CFAP70: variants seen among roughly 807,000 people sequenced by gnomAD.
CFAP70 encodes the protein cilia and flagella associated protein 70, also known as cilia- and flagella-associated protein 70.
Under a neutral mutation model 137.6 loss-of-function variants are expected in CFAP70, and 81 were observed. The ratio of observed to expected loss-of-function variants is 0.59; its 90% confidence interval spans 0.49 to 0.71. The LOEUF is 0.71. CFAP70 is among the 30% of genes least tolerant of loss of function. CFAP70 has a pLI of 0.00. For synonymous variants in CFAP70, 382 were observed against 423.6 expected (o/e 0.90, Z 1.20); for missense variants, 976 against 1,226.7 (o/e 0.80, Z 3.05).
intron 19 of CFAP70, among the ~76,000 whole-genome samples, chr10:73,281,301 G>A (rs964326351): frequency 6.6e-6 from 1 of 150,996 alleles, no homozygotes; most frequent in Non-Finnish European, 1.5e-5. Flanking sequence ...CCTCCCACGT[G>A]AGCCTCCCTA....
intron 25 of CFAP70, among the ~76,000 whole-genome samples, chr10:73,266,613 T>A (rs2045801576): frequency 6.6e-6 from 1 of 152,200 alleles, no homozygotes; most frequent in Admixed American, 6.5e-5. Context: ...GGACATGTAG[T>A]TTCAGATTTT....
In CFAP70 at chr10:73,354,621, C is replaced by T. The variant is rs536105995; in HGVS notation, c.63+113G>A. On this transcript the variant is annotated intron_variant, in intron 2 of 26. Coordinates refer to ENST00000310715, the Ensembl canonical transcript of CFAP70. ...CAATAAGGAACACTGAGGCGGAATGCCACTGCTACATAAAGCCAGGAGGTT... is the reference window on the plus strand; with the variant it reads ...CAATAAGGAACACTGAGGCGGAATGTCACTGCTACATAAAGCCAGGAGGTT... 4.9e-4 allele frequency: 383 copies of T among 787,126 alleles called. 8 individuals are homozygous for T. The South Asian group carries it at 5.4e-3, about 11-fold the overall frequency. 48.8% of individuals were successfully genotyped at this position (787,126 alleles called of 1,614,324 possible).
intron 9 of CFAP70, among the ~76,000 whole-genome samples, chr10:73,319,263 TG>T (rs1730517436): frequency 6.6e-6 from 1 of 152,066 alleles, no homozygotes; most frequent in South Asian, 2.1e-4. Context: ...ATCAGCTGAA[TG>T]GATCAGCCTC....
chr10:73,341,245 A>T (rs373786440), intron 6 of CFAP70, among the ~76,000 whole-genome samples, 154 bp downstream of exon 7: 2 of 152,258 alleles, frequency 1.3e-5, no homozygotes, highest in South Asian at 4.1e-4. Flanking sequence ...AGAAGCCAGA[A>T]GATATTTGAA....
intron 14 of CFAP70, among the ~76,000 whole-genome samples, chr10:73,298,390 A>G (rs2048697345): frequency 6.6e-6 from 1 of 152,204 alleles, no homozygotes; most frequent in Non-Finnish European, 1.5e-5. Context: ...AGATTAGGGA[A>G]AGATTTGGAG....
At chr10:73,338,429 T>A (rs1353455994) in intron 6 of CFAP70, among the ~76,000 whole-genome samples, 6 of 145,286 alleles carry the variant, frequency 4.1e-5, no homozygotes, top group Non-Finnish European at 7.5e-5. Context: ...CATATGTGAA[T>A]CTCTTTTTTT....
chr10:73,273,848 C>T (rs2133759298), intron 23 of CFAP70, among the ~76,000 whole-genome samples: 1 of 152,244 alleles, frequency 6.6e-6, no homozygotes, highest in South Asian at 2.1e-4. Flanking sequence ...AGGCCTTTGG[C>T]AGAATGTTGA....
intron 26 of CFAP70, 46 bp downstream of exon 27, chr10:73,256,323 A>T: frequency 6.2e-7 from 1 of 1,609,362 alleles, no homozygotes; most frequent in East Asian, 2.2e-5. Context: ...CTAATTTCCC[A>T]CCCTTAACAT....
At chr10:73,310,215 T>A in exon 12 of CFAP70, 2 of 1,613,074 alleles carry the variant, frequency 1.2e-6, no homozygotes, top group Non-Finnish European at 1.7e-6. Context: ...CAGCTGAATT[T>A]CCAACACAAT....
Position 73,261,162 on chromosome 10 carries a change from C to T in CFAP70, c.3028-4746G>A, listed in dbSNP as rs573919119. Reference sequence around the variant, plus strand: ...TTTTTGAGACAAGATCTCATTCTGTCACCCAGGCTGGAGTGCAGTGGTGCC... The same window carrying T: ...TTTTTGAGACAAGATCTCATTCTGTTACCCAGGCTGGAGTGCAGTGGTGCC... On this transcript the variant is annotated intron_variant, in intron 25 of 26. Coordinates refer to ENST00000310715, the Ensembl canonical transcript of CFAP70. Among the ~76,000 whole-genome samples the T allele has an allele frequency of 4.9e-4, 73 of 149,054 alleles. 1 individual carries two copies. The South Asian group carries it at 0.014, about 29-fold the overall frequency.
intron 9 of CFAP70, 134 bp downstream of exon 10, chr10:73,322,829 G>A: frequency 1.4e-6 from 1 of 725,874 alleles, no homozygotes. Flanking sequence ...ATGACTGTAA[G>A]GCTATATATT....
At chr10:73,362,156 G>C (rs528625936), upstream of CFAP70, among the ~76,000 whole-genome samples, 2 of 152,204 alleles carry the variant, frequency 1.3e-5, no homozygotes, top group South Asian at 4.1e-4. Flanking sequence ...TGGGAGGGAG[G>C]GGGTAATATA....
intron 19 of CFAP70, among the ~76,000 whole-genome samples, chr10:73,286,216 G>A (rs113688901): frequency 0.11 from 16,064 of 152,076 alleles, 1,223 homozygotes; most frequent in East Asian, 0.3. Flanking sequence ...AGGCCGAGGC[G>A]GGCGGATCAT....
intron 8 of CFAP70, among the ~76,000 whole-genome samples, chr10:73,323,922 AAGAC>A (rs1177752204): frequency 6.6e-6 from 1 of 152,196 alleles, no homozygotes; most frequent in Non-Finnish European, 1.5e-5. Context: ...GACAAACAAA[AAGAC>A]AGCAGTAACC....
chr10:73,263,679 GATCATTTATTACATTGCT>G (rs1391566071), intron 25 of CFAP70, among the ~76,000 whole-genome samples: 1 of 152,114 alleles, frequency 6.6e-6, no homozygotes, highest in African/African-American at 2.4e-5. Context: ...TGTTAACTTT[GATCATTTATTACATTGCT>G]ATCTGCCAGG....
chr10:73,321,339 A>T (rs909627432), intron 9 of CFAP70, among the ~76,000 whole-genome samples: 5 of 151,970 alleles, frequency 3.3e-5, no homozygotes, highest in Non-Finnish European at 7.4e-5. Context: ...AATTGCTTGA[A>T]CCCGGGAGAA....
intron 19 of CFAP70, among the ~76,000 whole-genome samples, chr10:73,286,872 CG>C (rs2047758249): frequency 7.2e-6 from 1 of 139,758 alleles, no homozygotes; most frequent in Non-Finnish European, 1.5e-5. Context: ...GGGGATGGGC[CG>C]AAACAAAGGG....
rs2046642690 is a variant in CFAP70 at position 73,275,392 on chromosome 10, C to A, written c.2673+54G>T. ...ATCTACGTGTGATATGGCATCACCA[C>A]CTTTAAATAAAGCCCCTTCTCCAGA... On this transcript the variant is annotated intron_variant, in intron 22 of 26. Transcript: ENST00000310715. The surrounding 1 kb of genome is among the most constrained non-coding windows in gnomAD (Gnocchi z 4.0). The A allele has an allele frequency of 3.3e-6, 5 of 1,527,934 alleles. No individual in the cohort carries two copies. Among genetic ancestry groups the A allele is most frequent in the Non-Finnish European group, 4.4e-6 (5 of 1,141,432 alleles). The allele number at this position is 1,527,934 out of a possible 1,614,324, so 94.6% of individuals were successfully genotyped here.
chr10:73,354,224 G>A (rs1216347620), intron 2 of CFAP70, among the ~76,000 whole-genome samples: 1 of 152,126 alleles, frequency 6.6e-6, no homozygotes, highest in Non-Finnish European at 1.5e-5. Context: ...ATGGATGTAC[G>A]TGTGTGTACC....
Sources: allele counts gnomAD v4.1 joint callset (sites outside exome capture counted in the v4.1 genomes callset), GRCh38; gene constraint gnomAD v4.1.1; non-coding constraint Gnocchi (gnomAD v3.1); transcripts MANE v1.5; gene names NCBI Gene and HGNC (gene_info 2026-07-23, HGNC 2026-07-21).